The following GRM5 variants were observed in gnomAD, a reference collection of about 807,000 sequenced individuals.
The protein encoded by GRM5 is metabotropic glutamate receptor 5.
A neutral mutation model predicts 83.1 loss-of-function variants in GRM5; 19 were observed. The ratio of observed to expected loss-of-function variants is 0.23; its 90% CI spans 0.16 to 0.34. The LOEUF is 0.34. GRM5 is among the 10% of genes least tolerant of loss of function. GRM5 has a pLI of 1.00. For missense variants in GRM5, 1,160 were observed against 1,588.3 expected, an observed-to-expected ratio of 0.73 and a Z score of 4.58; for synonymous variants, 675 against 633.6, an observed-to-expected ratio of 1.07 and a Z score of -0.98.
chr11:88,891,303 A>G (rs1413200885), intron 2 of GRM5, among the ~76,000 whole-genome samples: 2 of 152,116 alleles, frequency 1.3e-5, no homozygotes, highest in African/African-American at 4.8e-5. Context: ...TTGAGTCATC[A>G]TTTTGGCAAA....
chr11:88,586,570 T>C lies in GRM5; in HGVS notation c.1690+4031A>G, dbSNP rs144046223. Reference sequence around the variant, plus strand: ...TATAAGAAAGGCTTGCAATATTTCCTAAAACTGGCCCCAAGCCTTTCTGTG... The same window carrying C: ...TATAAGAAAGGCTTGCAATATTTCCCAAAACTGGCCCCAAGCCTTTCTGTG... On this transcript the variant is annotated intron_variant, in intron 7 of 9. Coordinates refer to ENST00000305447, the MANE Select transcript of GRM5 (RefSeq NM_001143831.3). 7.3e-3 allele frequency among the ~76,000 whole-genome samples: 1,117 copies of C among 152,280 alleles called. 11 individuals carry two copies. Among genetic ancestry groups the C allele is most frequent in the African/African-American group, 0.026 (1,080 of 41,566 alleles).
intron 3 of GRM5, among the ~76,000 whole-genome samples, chr11:88,832,827 A>G (rs1280505407): frequency 6.6e-6 from 1 of 152,142 alleles, no homozygotes; most frequent in African/African-American, 2.4e-5. Context: ...TTTTATCCAA[A>G]TGATTTTTGG....
intron 3 of GRM5, among the ~76,000 whole-genome samples, chr11:88,791,148 G>C (rs1343525931): frequency 6.6e-6 from 1 of 152,132 alleles, no homozygotes; most frequent in African/African-American, 2.4e-5. Flanking sequence ...AAAATTTAGG[G>C]ATAAAGTTGT....
intron 4 of GRM5, among the ~76,000 whole-genome samples, chr11:88,642,370 A>G (rs1042388177): frequency 2.6e-5 from 4 of 152,078 alleles, no homozygotes; most frequent in Admixed American, 2.6e-4. Flanking sequence ...CAGCTGCCAC[A>G]AGGGTCTCTG....
At chr11:88,995,797 G>A (rs1202737665) in intron 2 of GRM5, among the ~76,000 whole-genome samples, 1 of 151,980 alleles carries the variant, frequency 6.6e-6, no homozygotes, top group African/African-American at 2.4e-5. Context: ...AGGGTACCCA[G>A]CAAAACTCAA....
chr11:88,733,869 G>GA (rs1941857004), intron 3 of GRM5, among the ~76,000 whole-genome samples: 1 of 151,914 alleles, frequency 6.6e-6, no homozygotes, highest in South Asian at 2.1e-4. Flanking sequence ...AGTAGTGAGA[G>GA]AAAAATAGGG....
intron 3 of GRM5, among the ~76,000 whole-genome samples, chr11:88,846,066 C>T (rs542244297): frequency 6.6e-6 from 1 of 152,242 alleles, no homozygotes; most frequent in African/African-American, 2.4e-5. Context: ...TCCTCAAGTA[C>T]TTTTGAAATT....
intron 2 of GRM5, among the ~76,000 whole-genome samples, chr11:89,027,405 A>G (rs1324167411): frequency 1.3e-5 from 2 of 152,168 alleles, no homozygotes; most frequent in African/African-American, 4.8e-5. Context: ...GCATTTTCTT[A>G]CTCACTCAAA....
At chr11:88,834,522 G>A (rs1247071452) in intron 3 of GRM5, among the ~76,000 whole-genome samples, 1 of 152,190 alleles carries the variant, frequency 6.6e-6, no homozygotes, top group East Asian at 1.9e-4. Flanking sequence ...ATAATATGAA[G>A]TCAGAGTACT....
chr11:88,652,848 T>G (rs1223807326), intron 4 of GRM5, among the ~76,000 whole-genome samples: 1 of 152,144 alleles, frequency 6.6e-6, no homozygotes, highest in Non-Finnish European at 1.5e-5. Context: ...ATGCAGTCAC[T>G]GCATTCAAGG....
chr11:88,723,577 G>A (rs1941600884), intron 3 of GRM5, among the ~76,000 whole-genome samples: 1 of 151,958 alleles, frequency 6.6e-6, no homozygotes, highest in Non-Finnish European at 1.5e-5. Context: ...TACTATGGAA[G>A]AGGTCATTAA....
At chr11:88,895,357 C>G (rs114825896) in intron 2 of GRM5, among the ~76,000 whole-genome samples, 27 of 151,988 alleles carry the variant, frequency 1.8e-4, no homozygotes, top group African/African-American at 6.5e-4. Flanking sequence ...TGGCAGTAGA[C>G]AAGTTGGAAT....
intron 2 of GRM5, among the ~76,000 whole-genome samples, chr11:89,036,948 G>A (rs1319165508): frequency 1.3e-5 from 2 of 152,026 alleles, no homozygotes; most frequent in Non-Finnish European, 2.9e-5. Flanking sequence ...CTCAAAAGAA[G>A]TCTAAATTTT....
At chr11:89,037,082 A>C (rs1314427002) in intron 2 of GRM5, among the ~76,000 whole-genome samples, 5 of 152,096 alleles carry the variant, frequency 3.3e-5, no homozygotes, top group African/African-American at 1.2e-4. Flanking sequence ...CATGTGGTGC[A>C]CTATGACTTG....
At chr11:88,569,016 A>C (rs933580477) in intron 7 of GRM5, among the ~76,000 whole-genome samples, 2 of 152,206 alleles carry the variant, frequency 1.3e-5, no homozygotes, top group African/African-American at 4.8e-5. Context: ...CATTTGGATT[A>C]TCTGTCTTTT....
At chr11:88,574,072 G>A (rs1282201256) in intron 7 of GRM5, among the ~76,000 whole-genome samples, 1 of 152,048 alleles carries the variant, frequency 6.6e-6, no homozygotes, top group Non-Finnish European at 1.5e-5. Flanking sequence ...TGTGGTAGGG[G>A]GAGTTTGATT....
At chr11:88,678,189 G>A (rs908157406) in intron 3 of GRM5, among the ~76,000 whole-genome samples, 3 of 151,872 alleles carry the variant, frequency 2.0e-5, no homozygotes, top group African/African-American at 7.3e-5. Context: ...CCCCAGAGTA[G>A]CTAGACCTTC....
chr11:88,788,113 AG>A lies in GRM5; in HGVS notation c.911+61792del, dbSNP rs148463609. On this transcript the variant is annotated intron_variant, in intron 3 of 9. Transcript: ENST00000305447. ...ACCAGCTAGACACACTGGGCACTCT[AG>A]CTTTGGGAGGAACATCTCCTTATTC... Among the ~76,000 whole-genome samples, 219 of 152,286 alleles carry A rather than the reference AG, an allele frequency of 1.4e-3. 2 individuals carry two copies. The highest frequency in any genetic ancestry group is 5.0e-3 in the African/African-American group (207 of 41,576).
chr11:88,848,129 C>T (rs1944328503), intron 3 of GRM5, among the ~76,000 whole-genome samples: 1 of 152,128 alleles, frequency 6.6e-6, no homozygotes, highest in African/African-American at 2.4e-5. Context: ...GGTAACACTG[C>T]ACTTCAGAAT....
Sources: allele counts gnomAD v4.1 joint callset (sites outside exome capture counted in the v4.1 genomes callset), GRCh38; gene constraint gnomAD v4.1.1; transcripts MANE v1.5; gene names NCBI Gene and HGNC (gene_info 2026-07-23, HGNC 2026-07-21).